LAMA3: variants seen among roughly 807,000 people sequenced by gnomAD.
LAMA3 encodes the protein laminin subunit alpha 3, also known as laminin subunit alpha-3.
LAMA3 carries 281 observed loss-of-function variants against 402.0 expected under a neutral mutation model. The ratio of observed to expected loss-of-function variants is 0.70; its 90% confidence interval spans 0.63 to 0.77. The LOEUF is 0.77. Among genes scored for constraint, LAMA3 ranks in the 30% least tolerant of loss-of-function variants. The probability of loss-of-function intolerance (pLI) is 0.00; values close to 1 mark genes in which losing one functional copy is unlikely to be tolerated. For missense variants in LAMA3, 3,840 were observed against 4,215.5 expected, an observed-to-expected ratio of 0.91 and a Z score of 2.47; for synonymous variants, 1,431 against 1,558.4, an observed-to-expected ratio of 0.92 and a Z score of 1.93.
rs533010466 is a variant in LAMA3 at position 23,813,265 on chromosome 18, A to G, written c.1788+162A>G. 2.1e-4 allele frequency among the ~76,000 whole-genome samples: 31 copies of G among 150,952 alleles called. No homozygotes were observed. In the South Asian group the frequency reaches 6.3e-3, roughly 31 times the overall value. On this transcript the variant is annotated intron_variant, in intron 14 of 74. Transcript: ENST00000313654. ...TTCAAAGAGCATATGTGATTTTGTG[A>G]TTTTTTTTTTCAAAAACAAAAGAAT...
At chr18:23,954,368 A>G (rs2083035197) in intron 74 of LAMA3, 135 bp from the exon 75 acceptor site, 2 of 739,336 alleles carry the variant, frequency 2.7e-6, no homozygotes, top group Admixed American at 2.4e-5. Flanking sequence ...ACACTACTGT[A>G]CTTCAGCCTG....
At chr18:23,779,851 C>T (rs573382917) in intron 11 of LAMA3, among the ~76,000 whole-genome samples, 16 of 152,270 alleles carry the variant, frequency 1.1e-4, no homozygotes, top group African/African-American at 3.6e-4. Flanking sequence ...ACCTTCCTGA[C>T]GTCATTCCCT....
Position 23,907,961 on chromosome 18 carries a change from A to G in LAMA3, c.7015+26A>G, listed in dbSNP as rs370218686. ...GTATCAGGCGATCTCTGGCCAGGAC[A>G]TCTTAGCCATTCTCTCCATTGTTAT... On this transcript the variant is annotated intron_variant, in intron 54 of 74. Coordinates refer to ENST00000313654, the MANE Select transcript of LAMA3 (RefSeq NM_198129.4). 1.7e-5 allele frequency: 28 copies of G among 1,608,006 alleles called. No individual in the cohort carries two copies. The African/African-American group carries it at 1.9e-4, about 11-fold the overall frequency.
At position 23,751,117 on chromosome 18, in the gene LAMA3, CTTTA is replaced by C. The variant is rs768013716; in HGVS notation, c.855+36_855+39del. On this transcript the variant is annotated intron_variant, in intron 5 of 74. Transcript: ENST00000313654. ...AGTAGTCAGAGCATTTGTTTTGTTACTTTATTTATTCATTTTTTTGGCTTACCAA... is the reference window on the plus strand; with the variant it reads ...AGTAGTCAGAGCATTTGTTTTGTTACTTTATTCATTTTTTTGGCTTACCAA... The C allele has an allele frequency of 8.7e-6, 14 of 1,612,854 alleles. No individual in the cohort carries two copies. The South Asian group carries it at 9.9e-5, about 11-fold the overall frequency.
At chr18:23,950,709 C>T (rs1283188237) in intron 72 of LAMA3, among the ~76,000 whole-genome samples, 1 of 152,204 alleles carries the variant, frequency 6.6e-6, no homozygotes, top group Non-Finnish European at 1.5e-5. Context: ...CATTTTCTTT[C>T]ATCTCCGTCC....
intron 39 of LAMA3, among the ~76,000 whole-genome samples, chr18:23,878,425 A>G (rs1199632450): frequency 3.9e-5 from 6 of 152,226 alleles, no homozygotes; most frequent in Non-Finnish European, 8.8e-5. Context: ...GGAGTTAAAA[A>G]TCATCAGACC....
intron 62 of LAMA3, among the ~76,000 whole-genome samples, chr18:23,927,250 A>G (rs1022676813): frequency 9.2e-5 from 14 of 151,712 alleles, no homozygotes; most frequent in African/African-American, 2.4e-4. Context: ...GCTCACTGCA[A>G]CCTCCGCCTC....
chr18:23,842,301 T>G, intron 27 of LAMA3, 94 bp from the exon 28 acceptor site: 1 of 1,526,346 alleles, frequency 6.6e-7, no homozygotes, highest in Non-Finnish European at 9.1e-7. Context: ...GGTTGTTTTG[T>G]TTTTTAACCT....
intron 23 of LAMA3, among the ~76,000 whole-genome samples, chr18:23,829,794 C>T (rs911830149): frequency 6.6e-6 from 1 of 152,176 alleles, no homozygotes; most frequent in Non-Finnish European, 1.5e-5. Flanking sequence ...TTTTCATAGT[C>T]TCCAGTGTCT....
chr18:23,850,244 A>G (rs771799141), intron 32 of LAMA3, among the ~76,000 whole-genome samples: 1 of 152,252 alleles, frequency 6.6e-6, no homozygotes, highest in Non-Finnish European at 1.5e-5. Flanking sequence ...TTAACTACTT[A>G]TAAGCATTCA....
At chr18:23,870,949 G>A (rs760026383) in intron 37 of LAMA3, among the ~76,000 whole-genome samples, 31 of 152,270 alleles carry the variant, frequency 2.0e-4, no homozygotes, top group Non-Finnish European at 3.1e-4. Flanking sequence ...GTTAAAAATG[G>A]TTAAGATGGT....
At position 23,901,427 on chromosome 18, in the gene LAMA3, C is replaced by G. The variant is rs981696841; in HGVS notation, c.6201+104C>G. Reference sequence around the variant, plus strand: ...CATAGCCAGGCACCTGTCTGTACATCTCATTATACCACCTCAGACCCAGAT... The same window carrying G: ...CATAGCCAGGCACCTGTCTGTACATGTCATTATACCACCTCAGACCCAGAT... On this transcript the variant is annotated intron_variant, in intron 48 of 74. Coordinates refer to ENST00000313654, the MANE Select transcript of LAMA3 (RefSeq NM_198129.4). 11 of 909,202 alleles carry G rather than the reference C, an allele frequency of 1.2e-5. No individual in the cohort carries two copies. The Admixed American group carries it at 1.7e-4, about 14-fold the overall frequency. The allele number at this position is 909,202 out of a possible 1,614,324, so 56.3% of individuals were successfully genotyped here.
At chr18:23,851,422 G>A (rs780203408) in intron 32 of LAMA3, among the ~76,000 whole-genome samples, 7 of 152,090 alleles carry the variant, frequency 4.6e-5, no homozygotes, top group Admixed American at 6.5e-5. Context: ...TGTCTCTGCC[G>A]CTCACTCTCT....
At chr18:23,743,614 C>A (rs1306220702) in intron 2 of LAMA3, among the ~76,000 whole-genome samples, 1 of 152,240 alleles carries the variant, frequency 6.6e-6, no homozygotes, top group Admixed American at 6.5e-5. Context: ...ACCCTCTTGT[C>A]TTCCCTACTC....
At chr18:23,708,917 C>T (rs1362650920) in intron 1 of LAMA3, among the ~76,000 whole-genome samples, 1 of 129,980 alleles carries the variant, frequency 7.7e-6, no homozygotes, top group Admixed American at 8.6e-5. Flanking sequence ...ACCACCACAC[C>T]TGGCTAATTA....
At chr18:23,861,612 C>T (rs747827542) in intron 34 of LAMA3, 34 bp from the exon 35 acceptor site, 12 of 1,613,206 alleles carry the variant, frequency 7.4e-6, no homozygotes, top group East Asian at 4.5e-5. Context: ...ACGACCAAGA[C>T]GTTTCCATCC....
chr18:23,915,093 GA>G (rs2081567308), intron 58 of LAMA3, among the ~76,000 whole-genome samples, 195 bp from the exon 59 acceptor site: 2 of 152,118 alleles, frequency 1.3e-5, no homozygotes, highest in African/African-American at 4.8e-5. Context: ...TACAGATGAG[GA>G]AACAGAGACA....
chr18:23,947,086 C>T (rs373118500), intron 70 of LAMA3, among the ~76,000 whole-genome samples: 1 of 152,192 alleles, frequency 6.6e-6, no homozygotes, highest in African/African-American at 2.4e-5. Context: ...AAAGTTGGGA[C>T]TCCCTCTGTC....
chr18:23,771,830 T>A (rs1385773264), intron 8 of LAMA3, among the ~76,000 whole-genome samples: 8 of 152,202 alleles, frequency 5.3e-5, no homozygotes, highest in Non-Finnish European at 1.2e-4. Flanking sequence ...CAAGATAAAA[T>A]GTTGAAAGAA....
Sources: gnomAD v4.1 joint callset for allele counts (sites outside exome capture counted in the v4.1 genomes callset) on GRCh38, gnomAD v4.1.1 for gene constraint, MANE v1.5 for transcripts, NCBI Gene and HGNC (gene_info 2026-07-23, HGNC 2026-07-21) for gene names.